DYNC1H1: variants seen among roughly 807,000 people sequenced by gnomAD.
DYNC1H1 encodes dynein cytoplasmic 1 heavy chain 1.
A neutral mutation model predicts 527.1 loss-of-function variants in DYNC1H1; 51 were observed. That is an observed-to-expected ratio of 0.10 (90% confidence interval 0.08 to 0.12). DYNC1H1 has a LOEUF of 0.12. Ranked by LOEUF, DYNC1H1 falls within the 10% of genes least tolerant of loss-of-function variation. The pLI is 1.00. For synonymous variants in DYNC1H1, 2,189 were observed against 2,278.8 expected, an observed-to-expected ratio of 0.96 and a Z score of 1.12; for missense variants, 2,771 against 5,971.8, an observed-to-expected ratio of 0.46 and a Z score of 17.66.
rs763640517 is a variant in DYNC1H1 at position 101,964,907 on chromosome 14, G to T, written c.216G>T (p.Pro72=). The part of the protein sequence containing the change: ...LEQMRKFLSD[P]QVHTVLVERS... The stretch of plus-strand genomic sequence containing the variant: ...AGATGCGCAAGTTCCTTTCGGACCC[G>T]CAGGTCCACACGGTGCTGGTGGAGC... The change falls in exon 1 of 78, where the codon CCG becomes CCT. Residue 72 remains proline, a synonymous_variant. Coordinates refer to ENST00000360184, the MANE Select transcript of DYNC1H1 (RefSeq NM_001376.5). This position sits in a 1 kb window ranked among gnomAD's most constrained non-coding sequence, Gnocchi z 5.5. 1.3e-6 allele frequency: 2 copies of T among 1,599,874 alleles called. No individual in the cohort carries two copies. Among genetic ancestry groups the T allele is most frequent in the South Asian group, 2.2e-5 (2 of 89,316 alleles).
At chr14:101,968,665 G>A (rs934155862) in intron 1 of DYNC1H1, among the ~76,000 whole-genome samples, 1 of 151,876 alleles carries the variant, frequency 6.6e-6, no homozygotes, top group African/African-American at 2.4e-5. Context: ...GGTCTCAAGC[G>A]ATCCACCCAT....
intron 27 of DYNC1H1, among the ~76,000 whole-genome samples, chr14:102,006,655 C>A (rs1432340532): frequency 2.7e-5 from 4 of 150,488 alleles, no homozygotes; most frequent in Non-Finnish European, 5.9e-5. Context: ...GGCTGGAGTT[C>A]AGTGGTGCAA....
intron 9 of DYNC1H1, among the ~76,000 whole-genome samples, chr14:101,988,032 C>T (rs1424260892): frequency 1.3e-5 from 2 of 152,092 alleles, no homozygotes; most frequent in East Asian, 1.9e-4. Context: ...GAGCCAACAT[C>T]GCACCACTGC....
chr14:102,043,588 A>T, intron 69 of DYNC1H1: 2 of 461,866 alleles, frequency 4.3e-6, no homozygotes, highest in Non-Finnish European at 8.0e-6. Flanking sequence ...CGTTCTGTCA[A>T]TTCTGTTCTA....
Position 102,039,512 on chromosome 14 carries a change from A to C in DYNC1H1, c.11561A>C (p.Gln3854Pro), listed in dbSNP as rs769803487. The C allele has an allele frequency of 6.2e-7, 1 of 1,614,252 alleles. No individual in the cohort carries two copies. ...PNLKGVTDHT[Q>P]RLSIITKDLF... ...CTGAAGGGTGTCACCGACCACACAC[A>C]GCGCCTGTCCATTATAACAAAGGAC... The change falls in exon 61 of 78, where the codon CAG (glutamine) becomes CCG (proline). Residue 3854 changes from glutamine (Q) to proline (P), a missense_variant. Physicochemically the swap from Gln to Pro is moderately conservative, Grantham distance 76 (BLOSUM62 -1). Coordinates refer to ENST00000360184, the MANE Select transcript of DYNC1H1 (RefSeq NM_001376.5). The surrounding 1 kb of genome is among the most constrained non-coding windows in gnomAD (Gnocchi z 7.0).
intron 42 of DYNC1H1, among the ~76,000 whole-genome samples, chr14:102,022,044 G>C (rs1595620395): frequency 6.6e-6 from 1 of 152,090 alleles, no homozygotes; most frequent in East Asian, 1.9e-4. Flanking sequence ...GCTGAGGCAG[G>C]AGAATCGCTT....
Position 102,030,144 on chromosome 14 carries a change from GCCATC to G in DYNC1H1, c.9763-15_9763-11del. ...TAACCAATGCTTAACCCATACCTAAGCCATCCCTCCTTTCTAGGTTATGAGCCAAG... is the reference window on the plus strand; with the variant it reads ...TAACCAATGCTTAACCCATACCTAAGCCTCCTTTCTAGGTTATGAGCCAAG... On this transcript the variant is annotated splice_polypyrimidine_tract_variant and intron_variant, in intron 50 of 77. Transcript: ENST00000360184. 6.2e-7 allele frequency: 1 copy of G among 1,614,036 alleles called. No homozygotes were observed. The highest frequency in any genetic ancestry group is 8.5e-7 in the Non-Finnish European group (1 of 1,180,000).
chr14:102,039,598 T>C lies in DYNC1H1; in HGVS notation c.11596-40T>C, dbSNP rs1306727553. ...TGGCGGGGGGGAAGCAGGGTGCTGCTTCTCTTATGGAACAACATCGTCTCC... is the reference window on the plus strand; with the variant it reads ...TGGCGGGGGGGAAGCAGGGTGCTGCCTCTCTTATGGAACAACATCGTCTCC... On this transcript the variant is annotated intron_variant, in intron 61 of 77. Coordinates refer to ENST00000360184, the MANE Select transcript of DYNC1H1 (RefSeq NM_001376.5). This position sits in a 1 kb window ranked among gnomAD's most constrained non-coding sequence, Gnocchi z 7.0. 3 of 1,614,082 alleles carry C rather than the reference T, an allele frequency of 1.9e-6. No individual in the cohort carries two copies. Among genetic ancestry groups the C allele is most frequent in the Non-Finnish European group, 2.5e-6 (3 of 1,180,042 alleles).
In DYNC1H1 at chr14:102,023,079, A is replaced by G. The variant is rs368465181; in HGVS notation, c.8637+199A>G. The G allele has an allele frequency of 8.6e-5, 69 of 800,476 alleles. 1 individual carries two copies. In the East Asian group the frequency reaches 1.4e-3, roughly 17 times the overall value. The allele number at this position is 800,476 out of a possible 1,614,324, so 49.6% of individuals were successfully genotyped here. ...GGAGTTTGAGACCAGCCTGGGCAAC[A>G]TAGTAAGACTCCACCTCTACAAAAA... is the stretch of plus-strand genomic sequence containing the variant. On this transcript the variant is annotated intron_variant, in intron 43 of 77. Coordinates refer to ENST00000360184, the MANE Select transcript of DYNC1H1 (RefSeq NM_001376.5).
chr14:101,964,872 G>T lies in DYNC1H1; in HGVS notation c.181G>T (p.Ala61Ser). The T allele has an allele frequency of 2.5e-6, 4 of 1,597,590 alleles. No individual in the cohort carries two copies. The highest frequency in any genetic ancestry group is 4.5e-5 in the East Asian group (2 of 44,382). ...GGAGGCGGCGCTGGAGGAGAAGAGC[G>T]CCCTGGAGCAGATGCGCAAGTTCCT... ...ALEAALEEKS[A>S]LEQMRKFLSD... The change falls in exon 1 of 78, where the codon GCC (alanine) becomes TCC (serine). Residue 61 changes from alanine (A) to serine (S), a missense_variant. Ala to Ser is a moderately conservative substitution (Grantham distance 99, BLOSUM62 1). This residue lies in a region of DYNC1H1 where 101 missense variants were observed against 105.3 expected (regional missense o/e 0.96). Coordinates refer to ENST00000360184, the MANE Select transcript of DYNC1H1 (RefSeq NM_001376.5). The surrounding 1 kb of genome is among the most constrained non-coding windows in gnomAD (Gnocchi z 5.5).
rs532480116 is a variant in DYNC1H1, at chr14:102,000,178, G to A, written c.3960+34G>A. 72 of 1,614,044 alleles carry A rather than the reference G, an allele frequency of 4.5e-5. 2 individuals are homozygous for A. The South Asian group carries it at 6.3e-4, about 14-fold the overall frequency. On this transcript the variant is annotated intron_variant, in intron 17 of 77. Transcript: ENST00000360184. The stretch of plus-strand genomic sequence containing the variant: ...CACTGGGGAGTGGGTGGAGAATCCC[G>A]CTCCCCACCCGGACTCTGCCATTGA...
At chr14:101,982,781 G>C (rs1211979852) in intron 5 of DYNC1H1, among the ~76,000 whole-genome samples, 1 of 147,392 alleles carries the variant, frequency 6.8e-6, no homozygotes, top group African/African-American at 2.5e-5. Flanking sequence ...TAAATTCTCT[G>C]AGGCTGCCAC....
rs757595764 is a variant in DYNC1H1 at position 101,997,274 on chromosome 14, G to T, written c.3804G>T (p.Thr1268=). 6.2e-7 allele frequency: 1 copy of T among 1,614,106 alleles called. No individual in the cohort carries two copies. The highest frequency in any genetic ancestry group is 1.1e-5 in the South Asian group (1 of 91,056). The change falls in exon 16 of 78, where the codon ACG becomes ACT. Residue 1268 remains threonine (T), a splice_region_variant and synonymous_variant. Coordinates refer to ENST00000360184, the MANE Select transcript of DYNC1H1 (RefSeq NM_001376.5). The surrounding 1 kb of genome is among the most constrained non-coding windows in gnomAD (Gnocchi z 4.8). Reference sequence around the variant, plus strand: ...ACTGGGAGAAGACCAAGCCTGTCACGGTGAGTCCCGCCAGGTGGGGACGCA... The same window carrying T: ...ACTGGGAGAAGACCAAGCCTGTCACTGTGAGTCCCGCCAGGTGGGGACGCA... ...LTDWEKTKPV[T]GNLRPEEALQ...
intron 1 of DYNC1H1, among the ~76,000 whole-genome samples, chr14:101,968,784 A>G (rs1476155224): frequency 1.3e-5 from 2 of 151,982 alleles, no homozygotes; most frequent in Non-Finnish European, 2.9e-5. Context: ...CTGGTCTTGA[A>G]CTCTTGGACA....
At chr14:101,993,441 C>T (rs2048021190) in intron 11 of DYNC1H1, among the ~76,000 whole-genome samples, 2 of 152,144 alleles carry the variant, frequency 1.3e-5, no homozygotes, top group Non-Finnish European at 2.9e-5. Flanking sequence ...AGTCAAAGCC[C>T]CAGTGGCTTG....
rs2720210 is a variant in DYNC1H1 at position 102,029,519 on chromosome 14, A to T, written c.9469-20A>T. On this transcript the variant is annotated intron_variant, in intron 48 of 77. Transcript: ENST00000360184. The surrounding 1 kb of genome is among the most constrained non-coding windows in gnomAD (Gnocchi z 5.3). ...ACAGAGTTTCCTGAAGAGTGAGAAG[A>T]TGTAACTATTTTCTGAAAGGCGAAT... 19,453 of 1,614,034 alleles carry T rather than the reference A, an allele frequency of 0.012. 440 individuals are homozygous for T. Among genetic ancestry groups the T allele is most frequent in the African/African-American group, 0.087 (6,520 of 74,996 alleles).
rs2048174522 is a variant in DYNC1H1 at position 102,004,506 on chromosome 14, T to C, written c.4884-12T>C. On this transcript the variant is annotated splice_polypyrimidine_tract_variant and intron_variant, in intron 23 of 77. Transcript: ENST00000360184. ...TAATATTTTTGCAACTTGAGTGTTA[T>C]TTTAATTTTAGGTTCTATTTTGTGG... The C allele has an allele frequency of 6.2e-7, 1 of 1,607,296 alleles. No homozygotes were observed. The highest frequency in any genetic ancestry group is 8.5e-7 in the Non-Finnish European group (1 of 1,175,778).
Position 101,983,064 on chromosome 14 carries a change from T to A in DYNC1H1, c.1007T>A (p.Met336Lys). The change falls in exon 6 of 78, where the codon ATG (methionine) becomes AAG (lysine). Residue 336 changes from methionine (M) to lysine (K), a missense_variant. Around this residue, in one of 32 missense-constraint regions of DYNC1H1, gnomAD observed 264 missense variants for 619.4 expected, o/e 0.43. Coordinates refer to ENST00000360184, the MANE Select transcript of DYNC1H1 (RefSeq NM_001376.5). The surrounding 1 kb of genome is among the most constrained non-coding windows in gnomAD (Gnocchi z 5.3). Reference protein sequence around the residue: ...LETVNDYNPLMKDFPLNDLLS... With the variant: ...LETVNDYNPLKKDFPLNDLLS... ...ACTGTGAATGACTACAATCCTCTGA[T>A]GAAAGATTTCCCTCTGAATGATTTG... The A allele has an allele frequency of 6.2e-7, 1 of 1,614,206 alleles. No homozygotes were observed. The highest frequency in any genetic ancestry group is 8.5e-7 in the Non-Finnish European group (1 of 1,180,034).
intron 1 of DYNC1H1, chr14:101,969,734 A>T (rs1009293090): frequency 9.2e-5 from 14 of 152,372 alleles, no homozygotes; most frequent in Admixed American, 6.5e-4. Context: ...TGTGGGACAC[A>T]CCATCTGCAG....
Sources: allele counts gnomAD v4.1 joint callset (sites outside exome capture counted in the v4.1 genomes callset), GRCh38; gene constraint gnomAD v4.1.1; regional missense constraint gnomAD v4.1.1; non-coding constraint Gnocchi (gnomAD v3.1); transcripts MANE v1.5; gene names NCBI Gene and HGNC (gene_info 2026-07-23, HGNC 2026-07-21).